PDE10A: variants seen among roughly 807,000 people sequenced by gnomAD.
PDE10A encodes the protein phosphodiesterase 10A, also known as cAMP and cAMP-inhibited cGMP 3',5'-cyclic phosphodiesterase 10A.
Under a neutral mutation model 97.7 loss-of-function variants are expected in PDE10A, and 39 were observed. The observed-to-expected ratio is 0.40, with a 90% CI of 0.31 to 0.52. The LOEUF is 0.52. Among genes scored for constraint, PDE10A ranks in the 20% least tolerant of loss-of-function variants. PDE10A has a pLI of 0.56. For synonymous variants in PDE10A, 371 were observed against 376.8 expected (o/e 0.98, Z 0.18); for missense variants, 731 against 1,047.8 (o/e 0.70, Z 4.17).
Position 165,643,005 on chromosome 6 carries a change from A to C in PDE10A, c.865+18942T>G, listed in dbSNP as rs146258646. ...AGTCCATGGACCCTGTCCACCAAAC[A>C]ACCTTCCTGGAAAGCCATTCTCCAG... On this transcript the variant is annotated intron_variant, in intron 1 of 21. Transcript: ENST00000539869. Among the ~76,000 whole-genome samples the C allele has an allele frequency of 2.0e-4, 30 of 152,242 alleles. 1 individual carries two copies. The highest frequency in any genetic ancestry group is 7.2e-4 in the African/African-American group (30 of 41,538).
chr6:165,425,552 C>T (rs139501781), intron 10 of PDE10A, among the ~76,000 whole-genome samples: 102 of 152,134 alleles, frequency 6.7e-4, no homozygotes, highest in African/African-American at 2.4e-3. Flanking sequence ...GATAAAGGCC[C>T]TCTATGAAAA....
chr6:165,766,023 CAG>C (rs1191088725), intron 1 of PDE10A, among the ~76,000 whole-genome samples: 1 of 152,196 alleles, frequency 6.6e-6, no homozygotes, highest in East Asian at 1.9e-4. Context: ...TTTTTAAGGA[CAG>C]AGTCAGTAAA....
At chr6:165,707,755 G>A (rs1791754575) in intron 1 of PDE10A, among the ~76,000 whole-genome samples, 1 of 152,028 alleles carries the variant, frequency 6.6e-6, no homozygotes, top group Non-Finnish European at 1.5e-5. Flanking sequence ...GGGAGACTGA[G>A]TGTGTGAAAG....
chr6:165,514,272 C>T (rs1031425986), intron 2 of PDE10A, among the ~76,000 whole-genome samples: 1 of 152,112 alleles, frequency 6.6e-6, no homozygotes, highest in Non-Finnish European at 1.5e-5. Flanking sequence ...GGCTTTGATA[C>T]GAGGTTAATA....
intron 1 of PDE10A, among the ~76,000 whole-genome samples, chr6:165,616,879 A>T (rs894524401): frequency 2.0e-5 from 3 of 152,304 alleles, no homozygotes; most frequent in South Asian, 4.1e-4. Flanking sequence ...GAGAACAGAG[A>T]ATTTCTTGGT....
At chr6:165,466,054 G>A (rs1778631838) in intron 3 of PDE10A, among the ~76,000 whole-genome samples, 1 of 152,170 alleles carries the variant, frequency 6.6e-6, no homozygotes, top group African/African-American at 2.4e-5. Flanking sequence ...TGTCGAAGTA[G>A]AAAGCACACA....
chr6:165,408,574 G>A (rs1267564015), intron 13 of PDE10A, among the ~76,000 whole-genome samples: 1 of 152,080 alleles, frequency 6.6e-6, no homozygotes, highest in Non-Finnish European at 1.5e-5. Flanking sequence ...CTATCTTATT[G>A]AAACCAGCAT....
intron 13 of PDE10A, among the ~76,000 whole-genome samples, chr6:165,413,033 C>T (rs929649682): frequency 1.3e-5 from 2 of 152,084 alleles, no homozygotes; most frequent in Non-Finnish European, 2.9e-5. Flanking sequence ...ACTGAGTTAA[C>T]ACCGAGAATG....
chr6:165,818,522 G>C (rs781348817), intron 1 of PDE10A, among the ~76,000 whole-genome samples: 2 of 152,164 alleles, frequency 1.3e-5, no homozygotes. Flanking sequence ...GGTTTATGTA[G>C]AAAAAAATTC....
At chr6:165,698,832 C>T (rs1400931843) in intron 1 of PDE10A, among the ~76,000 whole-genome samples, 4 of 152,018 alleles carry the variant, frequency 2.6e-5, no homozygotes, top group African/African-American at 9.7e-5. Context: ...CAGAGTGAGA[C>T]TTTGTCTCAA....
At chr6:165,600,186 T>G (rs368819388) in intron 1 of PDE10A, among the ~76,000 whole-genome samples, 28 of 152,222 alleles carry the variant, frequency 1.8e-4, no homozygotes, top group African/African-American at 6.0e-4. Context: ...CCTCCGAGGA[T>G]CCCACAAACC....
intron 10 of PDE10A, among the ~76,000 whole-genome samples, chr6:165,423,910 T>C (rs1788924077): frequency 6.6e-6 from 1 of 151,952 alleles, no homozygotes; most frequent in Admixed American, 6.6e-5. Context: ...TTCCGTATTA[T>C]AAAAAAGATC....
intron 1 of PDE10A, among the ~76,000 whole-genome samples, chr6:165,791,072 G>A (rs940660345): frequency 4.6e-5 from 7 of 151,944 alleles, no homozygotes; most frequent in Non-Finnish European, 8.8e-5. Context: ...AGCTTCCTAA[G>A]TAGCTGAAAC....
chr6:165,639,335 C>G (rs1380311615), intron 1 of PDE10A, among the ~76,000 whole-genome samples: 1 of 152,156 alleles, frequency 6.6e-6, no homozygotes, highest in Admixed American at 6.5e-5. Context: ...TCTGTTGAGA[C>G]TTTTCATCCT....
intron 1 of PDE10A, among the ~76,000 whole-genome samples, chr6:165,707,981 C>A (rs943555457): frequency 2.0e-5 from 3 of 152,152 alleles, no homozygotes; most frequent in African/African-American, 7.2e-5. Flanking sequence ...AGGACTCAAC[C>A]CATCTGCCCC....
At chr6:165,603,546 A>G (rs1463482473) in intron 1 of PDE10A, among the ~76,000 whole-genome samples, 1 of 152,230 alleles carries the variant, frequency 6.6e-6, no homozygotes, top group Non-Finnish European at 1.5e-5. Context: ...TTCGGTTCTT[A>G]AGATACACTG....
chr6:165,855,393 C>T (rs1583194902), intron 1 of PDE10A, among the ~76,000 whole-genome samples: 1 of 151,506 alleles, frequency 6.6e-6, no homozygotes, highest in Non-Finnish European at 1.5e-5. Flanking sequence ...ATGGTCAGGC[C>T]GCGGACTGTG....
chr6:165,601,357 G>A (rs1041624268), intron 1 of PDE10A, among the ~76,000 whole-genome samples: 1 of 152,038 alleles, frequency 6.6e-6, no homozygotes, highest in African/African-American at 2.4e-5. Flanking sequence ...TTTTTCTCTA[G>A]CTACCCAAAT....
At chr6:165,398,752 T>C (rs533931229) in intron 13 of PDE10A, among the ~76,000 whole-genome samples, 1 of 152,064 alleles carries the variant, frequency 6.6e-6, no homozygotes, top group Admixed American at 6.6e-5. Context: ...TAAAATTCAA[T>C]TTTAAAGGTA....
Sources: gnomAD v4.1 joint callset for allele counts (sites outside exome capture counted in the v4.1 genomes callset) on GRCh38, gnomAD v4.1.1 for gene constraint, MANE v1.5 for transcripts, NCBI Gene and HGNC (gene_info 2026-07-23, HGNC 2026-07-21) for gene names.